Variants in MAN1C1 observed in about 807,000 individuals in gnomAD.
MAN1C1 encodes the protein mannosyl-oligosaccharide 1,2-alpha-mannosidase IC.
A neutral mutation model predicts 71.5 loss-of-function variants in MAN1C1; 49 were observed. That is an observed-to-expected ratio of 0.69 (90% CI 0.54 to 0.87). The LOEUF is 0.87. Ranked by LOEUF, MAN1C1 falls within the 40% of genes least tolerant of loss-of-function variation. MAN1C1 has a pLI of 0.00. For missense variants in MAN1C1, 743 were observed against 835.0 expected (o/e 0.89, Z 1.36); for synonymous variants, 352 against 343.7 (o/e 1.02, Z -0.27).
chr1:25,659,918 A>C lies in MAN1C1; in HGVS notation c.541-26522A>C, dbSNP rs942082780. 2.0e-5 allele frequency among the ~76,000 whole-genome samples: 3 copies of C among 152,198 alleles called. 1 individual carries two copies. Among genetic ancestry groups the C allele is most frequent in the Non-Finnish European group, 4.4e-5 (3 of 68,036 alleles). On this transcript the variant is annotated intron_variant, in intron 1 of 11. Transcript: ENST00000374332. ...TCACCTGTTGTATCTATGTATAATGATATGTCGCAGCCCACACCAAATCCA... is the reference window on the plus strand; with the variant it reads ...TCACCTGTTGTATCTATGTATAATGCTATGTCGCAGCCCACACCAAATCCA...
rs893749883 is a variant in MAN1C1 at position 25,631,629 on chromosome 1, C to T, written c.540+13292C>T. Among the ~76,000 whole-genome samples, 2 of 152,044 alleles carry T rather than the reference C, an allele frequency of 1.3e-5. No individual in the cohort carries two copies. Among genetic ancestry groups the T allele is most frequent in the Non-Finnish European group, 2.9e-5 (2 of 68,000 alleles). ...CATGGTGTATTACATTTTTGATGTG[C>T]TGTTGGATTTTGTTAGCTTGTATTT... On this transcript the variant is annotated intron_variant, in intron 1 of 11. Coordinates refer to ENST00000374332, the MANE Select transcript of MAN1C1 (RefSeq NM_020379.4). The surrounding 1 kb of genome is among the most constrained non-coding windows in gnomAD (Gnocchi z 4.2).
At position 25,782,524 on chromosome 1, in the gene MAN1C1, T is replaced by A; in HGVS notation, c.1651-61T>A. ...CCAGCCTGCCAGGCATGCACAAGTC[T>A]TGAGGGGCCTTTCCTGTCCCGTGTT... is the stretch of plus-strand genomic sequence containing the variant. On this transcript the variant is annotated intron_variant, in intron 10 of 11. Coordinates refer to ENST00000374332, the MANE Select transcript of MAN1C1 (RefSeq NM_020379.4). The surrounding 1 kb of genome is among the most constrained non-coding windows in gnomAD (Gnocchi z 4.4). 1 of 1,163,360 alleles carries A rather than the reference T, an allele frequency of 8.6e-7. No homozygotes were observed. The highest frequency in any genetic ancestry group is 1.3e-6 in the Non-Finnish European group (1 of 773,994). 72.1% of individuals were successfully genotyped at this position (1,163,360 alleles called of 1,614,324 possible).
chr1:25,722,711 T>G (rs934853724), intron 2 of MAN1C1, among the ~76,000 whole-genome samples: 4 of 152,336 alleles, frequency 2.6e-5, no homozygotes, highest in Middle Eastern at 3.4e-3. Context: ...CCTGTTTGTG[T>G]ATTTGTCCAT....
At chr1:25,726,860 A>G (rs1272012271) in intron 2 of MAN1C1, among the ~76,000 whole-genome samples, 2 of 150,836 alleles carry the variant, frequency 1.3e-5, no homozygotes, top group Non-Finnish European at 2.9e-5. Flanking sequence ...GTGTGAGACC[A>G]ACCTGGGCAA....
chr1:25,755,886 G>C (rs1337681711), intron 5 of MAN1C1, among the ~76,000 whole-genome samples: 2 of 152,170 alleles, frequency 1.3e-5, no homozygotes, highest in Non-Finnish European at 2.9e-5. Context: ...AGAGCTTCCT[G>C]CTGGCCCATT....
intron 5 of MAN1C1, among the ~76,000 whole-genome samples, chr1:25,754,841 T>C (rs1355121150): frequency 1.3e-5 from 2 of 152,228 alleles, no homozygotes; most frequent in Non-Finnish European, 2.9e-5. Context: ...GAAGCGCGTT[T>C]GCTTTTAGGC....
At position 25,769,092 on chromosome 1, in the gene MAN1C1, C is replaced by T. The variant is rs534650572; in HGVS notation, c.1142-2565C>T. Among the ~76,000 whole-genome samples, 143 of 146,056 alleles carry T rather than the reference C, an allele frequency of 9.8e-4. 1 individual carries two copies. Among genetic ancestry groups the T allele is most frequent in the African/African-American group, 3.3e-3 (132 of 39,552 alleles). On this transcript the variant is annotated intron_variant, in intron 7 of 11. Transcript: ENST00000374332. The surrounding 1 kb of genome is among the most constrained non-coding windows in gnomAD (Gnocchi z 4.8). The stretch of plus-strand genomic sequence containing the variant: ...CACACTCCCACACACACACCTATCA[C>T]CCACACTCCCTCCCACACACACACC...
intron 4 of MAN1C1, among the ~76,000 whole-genome samples, chr1:25,749,667 C>A (rs530860466): frequency 6.6e-5 from 10 of 152,234 alleles, no homozygotes; most frequent in Admixed American, 2.6e-4. Context: ...CCAGGTGAGC[C>A]CAACTGGCTC....
At chr1:25,693,457 C>A (rs574660392) in intron 2 of MAN1C1, among the ~76,000 whole-genome samples, 1 of 152,170 alleles carries the variant, frequency 6.6e-6, no homozygotes, top group African/African-American at 2.4e-5. Context: ...TGGTGAAACC[C>A]GTCTCTACTA....
chr1:25,682,912 T>TGC (rs2046174512), intron 1 of MAN1C1, among the ~76,000 whole-genome samples: 1 of 151,882 alleles, frequency 6.6e-6, no homozygotes, highest in Non-Finnish European at 1.5e-5. Context: ...GTGGCACGTG[T>TGC]CTGTAATCCC....
rs2047612330 is a variant in MAN1C1, at chr1:25,775,851, C to T, written c.1258-2254C>T. 2 of 152,516 alleles carry T rather than the reference C, an allele frequency of 1.3e-5. No homozygotes were observed. The highest frequency in any genetic ancestry group is 2.9e-5 in the Non-Finnish European group (2 of 68,300). 9.4% of individuals were successfully genotyped at this position (152,516 alleles called of 1,614,324 possible). A position where few individuals can be genotyped will look rare whatever the true frequency, so the allele number is the denominator to read the frequency against. ...GCAAAGTACAGCACTGCCCCCACCC[C>T]AGTTTTTTTTGTTTTGTTTTGTTTT... On this transcript the variant is annotated intron_variant, in intron 8 of 11. Transcript: ENST00000374332. The surrounding 1 kb of genome is among the most constrained non-coding windows in gnomAD (Gnocchi z 5.1).
At chr1:25,623,650 A>G (rs1007869338) in intron 1 of MAN1C1, among the ~76,000 whole-genome samples, 9 of 152,244 alleles carry the variant, frequency 5.9e-5, no homozygotes, top group African/African-American at 2.2e-4. Context: ...AAAATAAATC[A>G]GTCTTGCAGA....
intron 6 of MAN1C1, among the ~76,000 whole-genome samples, chr1:25,762,516 C>T (rs542502887): frequency 1.3e-5 from 2 of 151,606 alleles, no homozygotes; most frequent in South Asian, 2.1e-4. Flanking sequence ...CAACCTCTAC[C>T]TTCAGGTTCA....
chr1:25,773,731 C>G (rs998128066), intron 8 of MAN1C1, among the ~76,000 whole-genome samples: 5 of 152,242 alleles, frequency 3.3e-5, no homozygotes, highest in African/African-American at 1.2e-4. Flanking sequence ...TTTAAGGAAA[C>G]TCAGAGCACT....
rs999885318 is a variant in MAN1C1 at position 25,624,997 on chromosome 1, GA to G, written c.540+6661del. Among the ~76,000 whole-genome samples the G allele has an allele frequency of 1.3e-4, 17 of 135,458 alleles. 1 individual carries two copies. The highest frequency in any genetic ancestry group is 2.1e-4 in the East Asian group (1 of 4,736). The allele number at this position is 135,458 out of a possible 152,430, so 88.9% of individuals were successfully genotyped here. A position where few individuals can be genotyped will look rare whatever the true frequency, so the allele number is the denominator to read the frequency against. On this transcript the variant is annotated intron_variant, in intron 1 of 11. Transcript: ENST00000374332. ...ATTAATACATATAGCGAAATGCACA[GA>G]TTTTTTTTTTTTTTTTTTTTTTTTT...
chr1:25,625,581 T>C (rs1477019693), intron 1 of MAN1C1, among the ~76,000 whole-genome samples: 1 of 152,142 alleles, frequency 6.6e-6, no homozygotes, highest in African/African-American at 2.4e-5. Context: ...TTTGGGAGGC[T>C]GAGGTGGGAG....
chr1:25,767,755 T>C (rs1311863486), intron 7 of MAN1C1, among the ~76,000 whole-genome samples: 10 of 24,412 alleles, frequency 4.1e-4, no homozygotes, highest in African/African-American at 1.2e-3. Flanking sequence ...ACACCCACAC[T>C]CCCCTCACAT....
At chr1:25,690,110 C>T (rs894700271) in intron 2 of MAN1C1, among the ~76,000 whole-genome samples, 7 of 152,048 alleles carry the variant, frequency 4.6e-5, no homozygotes. Context: ...CTGGGTGAGG[C>T]GTCTCTGAAG....
rs368930287 is a variant in MAN1C1 at position 25,665,635 on chromosome 1, C to T, written c.541-20805C>T. Among the ~76,000 whole-genome samples the T allele has an allele frequency of 2.0e-5, 3 of 151,900 alleles. No individual in the cohort carries two copies. The East Asian group carries it at 5.8e-4, about 29-fold the overall frequency. ...GGAGTCTTTAGGTTTTTGATGATTT[C>T]CCACCTAAGAAGATCACTGATGGAG... On this transcript the variant is annotated intron_variant, in intron 1 of 11. Coordinates refer to ENST00000374332, the MANE Select transcript of MAN1C1 (RefSeq NM_020379.4).
Sources: allele counts gnomAD v4.1 joint callset (sites outside exome capture counted in the v4.1 genomes callset), GRCh38; gene constraint gnomAD v4.1.1; non-coding constraint Gnocchi (gnomAD v3.1); transcripts MANE v1.5; gene names NCBI Gene and HGNC (gene_info 2026-07-23, HGNC 2026-07-21).